OTOF: variants seen among roughly 807,000 people sequenced by gnomAD.
OTOF encodes the protein otoferlin.
OTOF carries 218 observed loss-of-function variants against 236.8 expected under a neutral mutation model. The ratio of observed to expected loss-of-function variants is 0.92; its 90% CI spans 0.82 to 1.03. OTOF has a LOEUF of 1.03. Among genes scored for constraint, OTOF ranks in the 50% least tolerant of loss-of-function variants. The probability of loss-of-function intolerance (pLI) is 0.00; values close to 1 mark genes in which losing one functional copy is unlikely to be tolerated. For missense variants in OTOF, 2,590 were observed against 2,694.4 expected (o/e 0.96, Z 0.86); for synonymous variants, 1,041 against 1,072.5 (o/e 0.97, Z 0.57).
intron 41 of OTOF, among the ~76,000 whole-genome samples, chr2:26,463,208 G>A (rs1039425783): frequency 6.6e-6 from 1 of 152,208 alleles, no homozygotes; most frequent in Non-Finnish European, 1.5e-5. Flanking sequence ...ACAATGCACC[G>A]GAGTGTGCTG....
Position 26,482,782 on chromosome 2 carries a change from CGTGT to C in OTOF, c.1393-194_1393-191del, listed in dbSNP as rs138601489. Among the ~76,000 whole-genome samples, 7 of 83,354 alleles carry C rather than the reference CGTGT, an allele frequency of 8.4e-5. No homozygotes were observed. The East Asian group carries it at 1.6e-3, about 19-fold the overall frequency. The allele number at this position is 83,354 out of a possible 152,430, so 54.7% of individuals were successfully genotyped here. ...GTGCATGTGTGAGTGGGTGCGCGTG[CGTGT>C]GTGAGTGGATGCATGTGTGTGTATG... is the stretch of plus-strand genomic sequence containing the variant. On this transcript the variant is annotated intron_variant, in intron 13 of 46. Transcript: ENST00000272371.
At chr2:26,506,290 A>C (rs1212785829) in intron 5 of OTOF, among the ~76,000 whole-genome samples, 2 of 152,090 alleles carry the variant, frequency 1.3e-5, no homozygotes, top group East Asian at 3.9e-4. Flanking sequence ...TTGCACCATT[A>C]CTTCTTGGCC....
Position 26,470,998 on chromosome 2 carries a change from T to G in OTOF, c.3894+123A>C. On this transcript the variant is annotated intron_variant, in intron 31 of 46. Transcript: ENST00000272371. This position sits in a 1 kb window ranked among gnomAD's most constrained non-coding sequence, Gnocchi z 4.3. ...TTTCCACTGCATCTTAGGGGAGGTG[T>G]GCTGGCCCAAGCATGCGGGGGCTGG... 1 of 1,286,196 alleles carries G rather than the reference T, an allele frequency of 7.8e-7. No individual in the cohort carries two copies. Among genetic ancestry groups the G allele is most frequent in the South Asian group, 1.2e-5 (1 of 83,338 alleles). The allele number at this position is 1,286,196 out of a possible 1,614,324, so 79.7% of individuals were successfully genotyped here.
rs1450313401 is a variant in OTOF at position 26,470,728 on chromosome 2, G to T, written c.3895-7C>A. 2 of 1,612,276 alleles carry T rather than the reference G, an allele frequency of 1.2e-6. No individual in the cohort carries two copies. The highest frequency in any genetic ancestry group is 1.7e-6 in the Non-Finnish European group (2 of 1,179,876). On this transcript the variant is annotated splice_region_variant and splice_polypyrimidine_tract_variant and intron_variant, in intron 31 of 46. Transcript: ENST00000272371. This position sits in a 1 kb window ranked among gnomAD's most constrained non-coding sequence, Gnocchi z 4.3. ...TCTCCTTCTCCTCCTCAGCCTGCAGGTTGGCCAGGTCCAGAGTCCTACATG... is the reference window on the plus strand; with the variant it reads ...TCTCCTTCTCCTCCTCAGCCTGCAGTTTGGCCAGGTCCAGAGTCCTACATG...
At chr2:26,484,425 G>T in intron 12 of OTOF, 49 bp downstream of exon 12, 1 of 1,607,036 alleles carries the variant, frequency 6.2e-7, no homozygotes, top group Non-Finnish European at 8.5e-7. Flanking sequence ...CTCCCTGGGG[G>T]AAGGAAGGGC....
Position 26,470,519 on chromosome 2 carries a change from C to G in OTOF, c.4023+74G>C, listed in dbSNP as rs552596644. 1.4e-6 allele frequency: 2 copies of G among 1,457,652 alleles called. No homozygotes were observed. Among genetic ancestry groups the G allele is most frequent in the Admixed American group, 3.3e-5 (2 of 59,788 alleles). The allele number at this position is 1,457,652 out of a possible 1,614,324, so 90.3% of individuals were successfully genotyped here. On this transcript the variant is annotated intron_variant, in intron 32 of 46. Coordinates refer to ENST00000272371, the MANE Select transcript of OTOF (RefSeq NM_194248.3). The surrounding 1 kb of genome is among the most constrained non-coding windows in gnomAD (Gnocchi z 4.3). The stretch of plus-strand genomic sequence containing the variant: ...GAGTTGGGATCCAGCTCTTGGGGGC[C>G]GTGGGAAAGAAGCTGGACAGGAGGG...
Position 26,477,395 on chromosome 2 carries a change from G to T in OTOF, c.2406+21C>A. 1 of 1,571,102 alleles carries T rather than the reference G, an allele frequency of 6.4e-7. No individual in the cohort carries two copies. The highest frequency in any genetic ancestry group is 1.3e-5 in the African/African-American group (1 of 74,134). On this transcript the variant is annotated intron_variant, in intron 20 of 46. Coordinates refer to ENST00000272371, the MANE Select transcript of OTOF (RefSeq NM_194248.3). This position sits in a 1 kb window ranked among gnomAD's most constrained non-coding sequence, Gnocchi z 4.7. ...CAACCAGGCCCTCCCTCCAGCCCCC[G>T]CCGTCCAGTTGCGTCCTCACCAGCT...
intron 2 of OTOF, among the ~76,000 whole-genome samples, chr2:26,535,095 T>C (rs1428320007): frequency 6.6e-6 from 1 of 152,178 alleles, no homozygotes; most frequent in Non-Finnish European, 1.5e-5. Context: ...CTTTGTGGGA[T>C]GTGCACTGCT....
intron 1 of OTOF, among the ~76,000 whole-genome samples, chr2:26,544,050 G>A (rs1379809361): frequency 6.6e-6 from 1 of 152,168 alleles, no homozygotes; most frequent in Non-Finnish European, 1.5e-5. Flanking sequence ...TAAGTTATGT[G>A]CTAAATATAA....
At chr2:26,466,577 T>A (rs765616186) in intron 36 of OTOF, 137 bp downstream of exon 36, 6 of 986,480 alleles carry the variant, frequency 6.1e-6, no homozygotes, top group Non-Finnish European at 9.5e-6. Flanking sequence ...CCTCAGGTGA[T>A]CCTCCTGCCT....
At chr2:26,496,337 C>T (rs745516547) in intron 8 of OTOF, among the ~76,000 whole-genome samples, 12 of 151,142 alleles carry the variant, frequency 7.9e-5, no homozygotes, top group African/African-American at 2.4e-4. Flanking sequence ...TGGGTTCAAG[C>T]GATTCTTCTG....
rs772763082 is a variant in OTOF at position 26,465,688 on chromosome 2, C to A, written c.4783G>T (p.Ala1595Ser). The change falls in exon 38 of 47, where the codon GCC (alanine) becomes TCC (serine). Residue 1595 changes from alanine (A) to serine (S), a missense_variant. By Grantham distance (99) the Ala-to-Ser change is moderately conservative. Around this residue, in one of 2 missense-constraint regions of OTOF, gnomAD observed 1,211 missense variants for 1,352.8 expected, o/e 0.90. Coordinates refer to ENST00000272371, the MANE Select transcript of OTOF (RefSeq NM_194248.3). Reference sequence around the variant, plus strand: ...CCCACATACGTGGAGTAGGTCTGGGCGATGCCGCAGGTGGCGCGGTGCTTG... The same window carrying A: ...CCCACATACGTGGAGTAGGTCTGGGAGATGCCGCAGGTGGCGCGGTGCTTG... ...YSKHRATCGI[A>S]QTYSTHGYNI... 1.2e-6 allele frequency: 2 copies of A among 1,614,142 alleles called. No homozygotes were observed. Among genetic ancestry groups the A allele is most frequent in the South Asian group, 1.1e-5 (1 of 91,096 alleles).
At chr2:26,558,126 G>A (rs140778250) in intron 1 of OTOF, among the ~76,000 whole-genome samples, 1,657 of 151,964 alleles carry the variant, frequency 0.011, 25 homozygotes, top group Non-Finnish European at 0.02. Flanking sequence ...CTGTGCTCAA[G>A]GAAATCAACC....
In OTOF at chr2:26,505,153, G is replaced by T. The variant is rs1024784302; in HGVS notation, c.510-1308C>A. ...CTTTACTGTTCATATGCAGGACAAAGCACGTTCATATCCCAGTGAGGGAGC... is the reference window on the plus strand; with the variant it reads ...CTTTACTGTTCATATGCAGGACAAATCACGTTCATATCCCAGTGAGGGAGC... On this transcript the variant is annotated intron_variant, in intron 5 of 46. Coordinates refer to ENST00000272371, the MANE Select transcript of OTOF (RefSeq NM_194248.3). 3.3e-5 allele frequency among the ~76,000 whole-genome samples: 5 copies of T among 152,114 alleles called. No homozygotes were observed. The East Asian group carries it at 9.6e-4, about 29-fold the overall frequency.
chr2:26,489,293 C>A lies in OTOF; in HGVS notation c.963G>T (p.Val321=). ...VMFDKIIKIS[V]IHSKNLLRSG... is the part of the protein sequence containing the mutation. ...TGCGCAGCAGGTTCTTGGAGTGAAT[C>A]ACCTTTCAGGCAGAACCACAGCCCA... Residue 321 remains valine (V), a splice_region_variant and synonymous_variant, in exon 11 of 47, where the codon GTG becomes GTT. Transcript: ENST00000272371. The A allele has an allele frequency of 6.2e-7, 1 of 1,611,466 alleles. No homozygotes were observed. The highest frequency in any genetic ancestry group is 8.5e-7 in the Non-Finnish European group (1 of 1,178,982).
intron 8 of OTOF, 36 bp from the exon 9 acceptor site, chr2:26,495,109 T>C: frequency 6.2e-7 from 1 of 1,613,270 alleles, no homozygotes; most frequent in South Asian, 1.1e-5. Context: ...GAAGGAAAGC[T>C]GCCTGAGCCT....
intron 1 of OTOF, among the ~76,000 whole-genome samples, chr2:26,551,920 G>C (rs1025202939): frequency 2.0e-5 from 3 of 152,048 alleles, no homozygotes; most frequent in African/African-American, 7.2e-5. Flanking sequence ...ATGGTATGGG[G>C]TTTGGGATCT....
At position 26,460,848 on chromosome 2, in the gene OTOF, G is replaced by A. The variant is rs529516620; in HGVS notation, c.5712+4C>T. The A allele has an allele frequency of 1.4e-5, 22 of 1,614,032 alleles. No individual in the cohort carries two copies. Among genetic ancestry groups the A allele is most frequent in the Middle Eastern group, 1.7e-4 (1 of 6,060 alleles). On this transcript the variant is annotated splice_donor_region_variant and intron_variant, in intron 44 of 46. Coordinates refer to ENST00000272371, the MANE Select transcript of OTOF (RefSeq NM_194248.3). This position sits in a 1 kb window ranked among gnomAD's most constrained non-coding sequence, Gnocchi z 5.3. ...CTACTGCCCGAGCAGGAAGGGGTGC[G>A]CACCGTGAGCTCAAACTCATCGTTC...
At chr2:26,472,917 GC>G (rs201627800) in intron 29 of OTOF, among the ~76,000 whole-genome samples, 4 of 152,218 alleles carry the variant, frequency 2.6e-5, no homozygotes, top group South Asian at 4.1e-4. Flanking sequence ...CTGCCCTCAG[GC>G]CCCCCCAGGC....
Sources: gnomAD v4.1 joint callset for allele counts (sites outside exome capture counted in the v4.1 genomes callset) on GRCh38, gnomAD v4.1.1 for gene constraint, gnomAD v4.1.1 regional missense constraint, Gnocchi (gnomAD v3.1) non-coding constraint, MANE v1.5 for transcripts, NCBI Gene and HGNC (gene_info 2026-07-23, HGNC 2026-07-21) for gene names.